The following CDH13 variants were observed in gnomAD, a reference collection of about 807,000 sequenced individuals.
The protein encoded by CDH13 is cadherin-13.
Under a neutral mutation model 63.8 loss-of-function variants are expected in CDH13, and 24 were observed. That is an observed-to-expected ratio of 0.38 (90% confidence interval 0.27 to 0.53). The LOEUF (loss-of-function observed/expected upper bound fraction) is 0.53. CDH13 is among the 20% of genes least tolerant of loss of function. The pLI, the probability that CDH13 is intolerant of heterozygous loss-of-function variation, is 0.85. For synonymous variants in CDH13, 503 were observed against 355.3 expected (o/e 1.42, Z -4.67); for missense variants, 1,049 against 903.1 (o/e 1.16, Z -2.07).
At chr16:83,340,482 C>G (rs1362751450) in intron 5 of CDH13, among the ~76,000 whole-genome samples, 1 of 152,188 alleles carries the variant, frequency 6.6e-6, no homozygotes, top group Non-Finnish European at 1.5e-5. Flanking sequence ...TTTTATTTTC[C>G]TATAGCTGAA....
intron 1 of CDH13, chr16:82,823,334 C>T (rs62036833): frequency 0.093 from 14,032 of 151,676 alleles, 879 homozygotes; most frequent in Non-Finnish European, 0.13. Context: ...TTGCTGTGGC[C>T]GTTACTAGAA....
intron 3 of CDH13, among the ~76,000 whole-genome samples, chr16:83,065,143 G>A (rs1044794838): frequency 6.6e-6 from 1 of 152,088 alleles, no homozygotes; most frequent in African/African-American, 2.4e-5. Context: ...TTATCCACTG[G>A]CCACCTTTGT....
At chr16:83,082,318 C>G (rs1428361096) in intron 3 of CDH13, among the ~76,000 whole-genome samples, 2 of 152,104 alleles carry the variant, frequency 1.3e-5, no homozygotes, top group South Asian at 2.1e-4. Flanking sequence ...GTCAAACAAG[C>G]TAGTACAGGA....
intron 7 of CDH13, among the ~76,000 whole-genome samples, chr16:83,564,770 AG>A (rs1277513633): frequency 6.6e-6 from 1 of 152,354 alleles, no homozygotes; most frequent in Non-Finnish European, 1.5e-5. Context: ...TTCAGGGATC[AG>A]GGATAGTCTG....
rs1466966273 is a variant in CDH13, at chr16:83,191,458, A to AATATAGATATAG, written c.484-25882_484-25881insGATATAGATATA. Among the ~76,000 whole-genome samples the AATATAGATATAG allele has an allele frequency of 1.4e-3, 116 of 80,570 alleles. 1 individual carries two copies. Among genetic ancestry groups the AATATAGATATAG allele is most frequent in the Admixed American group, 3.0e-3 (21 of 6,930 alleles). 52.9% of individuals were successfully genotyped at this position (80,570 alleles called of 152,430 possible). Reference sequence around the variant, plus strand: ...CTTTAGAAGGACAGAACTAATAGGAAATATATATATATATATATATATATA... The same window carrying AATATAGATATAG: ...CTTTAGAAGGACAGAACTAATAGGAAATATAGATATAGATATATATATATATATATATATATA... On this transcript the variant is annotated intron_variant, in intron 4 of 13. Transcript: ENST00000567109.
At chr16:82,699,773 G>T (rs965169957) in intron 1 of CDH13, among the ~76,000 whole-genome samples, 1 of 152,224 alleles carries the variant, frequency 6.6e-6, no homozygotes, top group South Asian at 2.1e-4. Flanking sequence ...AGGATATTAA[G>T]ATAATCTCTT....
intron 10 of CDH13, among the ~76,000 whole-genome samples, chr16:83,709,028 A>C (rs1302256426): frequency 6.6e-6 from 1 of 151,878 alleles, no homozygotes; most frequent in Non-Finnish European, 1.5e-5. Flanking sequence ...TGTCTCAAAA[A>C]ATTAAATTAA....
At chr16:82,923,975 C>G (rs919180268) in intron 2 of CDH13, among the ~76,000 whole-genome samples, 6 of 152,186 alleles carry the variant, frequency 3.9e-5, no homozygotes, top group Non-Finnish European at 7.3e-5. Flanking sequence ...ACTTAGGATT[C>G]AAGGCACACA....
At chr16:83,634,969 G>A (rs1219598999) in intron 8 of CDH13, among the ~76,000 whole-genome samples, 1 of 152,192 alleles carries the variant, frequency 6.6e-6, no homozygotes, top group Non-Finnish European at 1.5e-5. Flanking sequence ...CATATATTAA[G>A]TGCATGTTAG....
At chr16:83,696,461 G>A (rs1238958282) in intron 10 of CDH13, among the ~76,000 whole-genome samples, 3 of 152,084 alleles carry the variant, frequency 2.0e-5, no homozygotes, top group Non-Finnish European at 2.9e-5. Context: ...CACATGAAGA[G>A]ACGTCCTTCA....
chr16:82,746,411 G>T (rs1443094262), intron 1 of CDH13, among the ~76,000 whole-genome samples: 1 of 151,802 alleles, frequency 6.6e-6, no homozygotes, highest in Non-Finnish European at 1.5e-5. Flanking sequence ...AAAGTAGAAG[G>T]TGTCCCCATT....
intron 5 of CDH13, among the ~76,000 whole-genome samples, chr16:83,325,852 T>C (rs1007355438): frequency 6.6e-6 from 1 of 152,180 alleles, no homozygotes; most frequent in African/African-American, 2.4e-5. Flanking sequence ...CTTATGTTGC[T>C]GCATGCCTTC....
intron 8 of CDH13, among the ~76,000 whole-genome samples, chr16:83,619,164 C>G (rs1183615529): frequency 6.6e-6 from 1 of 152,210 alleles, no homozygotes; most frequent in Non-Finnish European, 1.5e-5. Flanking sequence ...GCTTGCCCAT[C>G]AGACATGTAT....
intron 6 of CDH13, among the ~76,000 whole-genome samples, chr16:83,361,784 A>G (rs768534089): frequency 5.9e-5 from 9 of 151,976 alleles, no homozygotes; most frequent in Non-Finnish European, 1.0e-4. Context: ...TCATTAGTCT[A>G]TGTGTCTATT....
At chr16:82,851,997 AG>A (rs1322519926) in intron 1 of CDH13, among the ~76,000 whole-genome samples, 1 of 152,194 alleles carries the variant, frequency 6.6e-6, no homozygotes, top group Non-Finnish European at 1.5e-5. Flanking sequence ...GAAAGCAAAA[AG>A]AGTTGGAGAG....
At chr16:83,142,886 T>G (rs1321340516) in intron 4 of CDH13, among the ~76,000 whole-genome samples, 1 of 152,148 alleles carries the variant, frequency 6.6e-6, no homozygotes, top group East Asian at 1.9e-4. Flanking sequence ...GCAGATCACC[T>G]GAGGTTGGGA....
intron 2 of CDH13, among the ~76,000 whole-genome samples, chr16:82,866,853 G>C (rs925546643): frequency 6.6e-6 from 1 of 152,142 alleles, no homozygotes; most frequent in Non-Finnish European, 1.5e-5. Flanking sequence ...TCACTATCAC[G>C]AGAGCAGCAT....
intron 7 of CDH13, among the ~76,000 whole-genome samples, chr16:83,566,970 C>G (rs1904286394): frequency 6.6e-6 from 1 of 152,208 alleles, no homozygotes; most frequent in African/African-American, 2.4e-5. Context: ...TCCTCACGTT[C>G]CCTCCATCCC....
chr16:83,014,830 G>GTATATATATA (rs1401091196), intron 2 of CDH13, among the ~76,000 whole-genome samples: 1 of 95,232 alleles, frequency 1.1e-5, no homozygotes, highest in Non-Finnish European at 2.1e-5. Context: ...ATATATATTT[G>GTATATATATA]TATATATATT....
Sources: allele counts gnomAD v4.1 joint callset (sites outside exome capture counted in the v4.1 genomes callset), GRCh38; gene constraint gnomAD v4.1.1; transcripts MANE v1.5; gene names NCBI Gene and HGNC (gene_info 2026-07-23, HGNC 2026-07-21).